Variants in CRADD observed in about 807,000 individuals in gnomAD.
CRADD encodes CARD and death domain containing adaptor protein.
A neutral mutation model predicts 15.5 loss-of-function variants in CRADD; 9 were observed. That is an observed-to-expected ratio of 0.58 (90% confidence interval 0.35 to 1.01). The LOEUF (loss-of-function observed/expected upper bound fraction) is 1.01, where lower values mean the gene tolerates loss of function less well. CRADD is among the 50% of genes least tolerant of loss of function. CRADD has a pLI of 0.02. For missense variants in CRADD, 227 were observed against 250.3 expected (o/e 0.91, Z 0.63); for synonymous variants, 118 against 107.6 (o/e 1.10, Z -0.60).
At chr12:93,751,111 G>A (rs1956824210) in intron 2 of CRADD, among the ~76,000 whole-genome samples, 1 of 152,076 alleles carries the variant, frequency 6.6e-6, no homozygotes, top group African/African-American at 2.4e-5. Flanking sequence ...TACAAATCTT[G>A]CTTCTTTTGC....
chr12:93,893,873 C>T (rs1958593841), intron 2 of CRADD, among the ~76,000 whole-genome samples: 1 of 151,772 alleles, frequency 6.6e-6, no homozygotes, highest in South Asian at 2.1e-4. Context: ...GCACTCCAGC[C>T]TGGGCGACAG....
chr12:93,840,544 T>C (rs1485232378), intron 2 of CRADD, among the ~76,000 whole-genome samples: 1 of 145,646 alleles, frequency 6.9e-6, no homozygotes, highest in African/African-American at 2.6e-5. Context: ...GCTTATTATT[T>C]ATAACTAACT....
At chr12:93,781,104 GC>G (rs1957205502) in intron 2 of CRADD, among the ~76,000 whole-genome samples, 2 of 152,062 alleles carry the variant, frequency 1.3e-5, no homozygotes, top group African/African-American at 4.8e-5. Flanking sequence ...CTAGAGCAAA[GC>G]CATCAAAGAG....
chr12:93,817,413 C>T (rs11107201), intron 2 of CRADD, among the ~76,000 whole-genome samples: 4 of 152,180 alleles, frequency 2.6e-5, no homozygotes, highest in African/African-American at 7.2e-5. Flanking sequence ...AGTGGAACAA[C>T]CATTTGAGGT....
chr12:93,745,332 AT>A (rs1956733434), intron 2 of CRADD, among the ~76,000 whole-genome samples: 2 of 152,256 alleles, frequency 1.3e-5, no homozygotes, highest in African/African-American at 4.8e-5. Flanking sequence ...TGGAAAAAAA[AT>A]AAATGGATGA....
intron 2 of CRADD, among the ~76,000 whole-genome samples, chr12:93,753,736 G>C (rs763429261): frequency 6.6e-6 from 1 of 152,252 alleles, no homozygotes. Context: ...GGATGTAAGA[G>C]GTGGTCTCCC....
chr12:93,696,112 G>T (rs1370232570), intron 2 of CRADD, among the ~76,000 whole-genome samples: 2 of 152,222 alleles, frequency 1.3e-5, no homozygotes, highest in African/African-American at 4.8e-5. Flanking sequence ...TGGATGTGGA[G>T]AAAGTGGAAC....
At chr12:93,684,244 T>C (rs1161714883) in intron 2 of CRADD, among the ~76,000 whole-genome samples, 2 of 152,246 alleles carry the variant, frequency 1.3e-5, no homozygotes, top group Non-Finnish European at 2.9e-5. Flanking sequence ...AGACTGGTTT[T>C]GTGGAAGACA....
chr12:93,821,240 C>T (rs982302419), intron 2 of CRADD, among the ~76,000 whole-genome samples: 1 of 152,210 alleles, frequency 6.6e-6, no homozygotes, highest in Non-Finnish European at 1.5e-5. Flanking sequence ...ATGGGGCATG[C>T]CTGCCCCAGT....
At chr12:93,800,550 C>G (rs1425232283) in intron 2 of CRADD, among the ~76,000 whole-genome samples, 1 of 152,082 alleles carries the variant, frequency 6.6e-6, no homozygotes, top group Admixed American at 6.6e-5. Flanking sequence ...CTCACAAGAT[C>G]TGATGGTTTA....
intron 2 of CRADD, among the ~76,000 whole-genome samples, chr12:93,782,335 A>C (rs1359026082): frequency 9.9e-6 from 1 of 101,364 alleles, no homozygotes; most frequent in Non-Finnish European, 1.9e-5. Context: ...CACACCGGGG[A>C]CTGTTGTGGG....
intron 2 of CRADD, among the ~76,000 whole-genome samples, chr12:93,718,360 A>T (rs1252891499): frequency 6.6e-6 from 1 of 152,030 alleles, no homozygotes; most frequent in African/African-American, 2.4e-5. Context: ...CCTCATATAG[A>T]TCTTGTACGT....
At chr12:93,882,336 G>A (rs543506387) in intron 2 of CRADD, among the ~76,000 whole-genome samples, 3 of 149,916 alleles carry the variant, frequency 2.0e-5, no homozygotes, top group East Asian at 2.0e-4. Flanking sequence ...CAGGAGAATC[G>A]CTTGAACCCG....
In CRADD at chr12:93,725,010, G is replaced by A. The variant is rs141490165; in HGVS notation, c.298+45938G>A. 6.1e-3 allele frequency among the ~76,000 whole-genome samples: 921 copies of A among 152,122 alleles called. 7 individuals are homozygous for A. Among genetic ancestry groups the A allele is most frequent in the African/African-American group, 0.021 (878 of 41,476 alleles). ...CAAGTAGCTGGGACTTCAGGCACCC[G>A]CCACCACGCTTGGCTAATTTTTTGT... On this transcript the variant is annotated intron_variant, in intron 2 of 2. Coordinates refer to ENST00000332896, the MANE Select transcript of CRADD (RefSeq NM_003805.5).
At chr12:93,760,190 G>A (rs1405487705) in intron 2 of CRADD, among the ~76,000 whole-genome samples, 1 of 152,066 alleles carries the variant, frequency 6.6e-6, no homozygotes, top group Non-Finnish European at 1.5e-5. Context: ...GTTATAATTA[G>A]GAGAAAACCA....
chr12:93,738,871 A>G (rs1349180195), intron 2 of CRADD, among the ~76,000 whole-genome samples: 1 of 152,128 alleles, frequency 6.6e-6, no homozygotes, highest in Admixed American at 6.5e-5. Flanking sequence ...GAAAGGAAGG[A>G]AGGAAGAAAG....
chr12:93,768,935 A>G (rs1204658820), intron 2 of CRADD, among the ~76,000 whole-genome samples: 4 of 151,900 alleles, frequency 2.6e-5, no homozygotes, highest in African/African-American at 4.8e-5. Context: ...TGATTTTTTT[A>G]CTTACTTTAC....
intron 2 of CRADD, among the ~76,000 whole-genome samples, chr12:93,810,673 C>T (rs562523111): frequency 6.7e-6 from 1 of 150,132 alleles, no homozygotes; most frequent in Non-Finnish European, 1.5e-5. Context: ...TTACTCCTAG[C>T]CTCCTTGTGA....
At chr12:93,736,857 C>A (rs1290327208) in intron 2 of CRADD, among the ~76,000 whole-genome samples, 2 of 152,198 alleles carry the variant, frequency 1.3e-5, no homozygotes, top group Non-Finnish European at 2.9e-5. Flanking sequence ...CATTTCATAG[C>A]CACATCAGTT....
Sources: allele counts gnomAD v4.1 joint callset (sites outside exome capture counted in the v4.1 genomes callset), GRCh38; gene constraint gnomAD v4.1.1; transcripts MANE v1.5; gene names NCBI Gene and HGNC (gene_info 2026-07-23, HGNC 2026-07-21).